SULF1: variants seen among roughly 807,000 people sequenced by gnomAD.
SULF1 encodes the protein extracellular sulfatase Sulf-1.
A neutral mutation model predicts 110.5 loss-of-function variants in SULF1; 46 were observed. The observed-to-expected ratio is 0.42, with a 90% CI of 0.33 to 0.53. SULF1 has a LOEUF of 0.53. SULF1 is among the 20% of genes least tolerant of loss of function. SULF1 has a pLI of 0.12. For missense variants in SULF1, 941 were observed against 1,094.2 expected (o/e 0.86, Z 1.98); for synonymous variants, 371 against 387.1 (o/e 0.96, Z 0.49).
chr8:69,521,191 T>C (rs933381288), intron 3 of SULF1, among the ~76,000 whole-genome samples: 1 of 152,214 alleles, frequency 6.6e-6, no homozygotes, highest in Non-Finnish European at 1.5e-5. Flanking sequence ...ATTTTTTCCT[T>C]TATTTATGCA....
chr8:69,582,160 C>T (rs539346689), intron 6 of SULF1, among the ~76,000 whole-genome samples: 3 of 151,972 alleles, frequency 2.0e-5, no homozygotes, highest in Admixed American at 6.6e-5. Context: ...AACAAAAAAA[C>T]CCCAACAATG....
intron 3 of SULF1, among the ~76,000 whole-genome samples, chr8:69,507,468 A>T (rs997801334): frequency 1.3e-5 from 2 of 152,172 alleles, no homozygotes; most frequent in African/African-American, 2.4e-5. Flanking sequence ...GACCGCATTT[A>T]TCTGCTTAGA....
At chr8:69,579,160 CAAAAAAA>C (rs1179542392) in intron 6 of SULF1, among the ~76,000 whole-genome samples, 1 of 52,758 alleles carries the variant, frequency 1.9e-5, no homozygotes, top group Non-Finnish European at 4.3e-5. Flanking sequence ...GACTCTGTCT[CAAAAAAA>C]AAAAAAAAAA....
chr8:69,572,476 G>A (rs535136531), intron 5 of SULF1, among the ~76,000 whole-genome samples: 3 of 152,260 alleles, frequency 2.0e-5, no homozygotes, highest in South Asian at 4.1e-4. Flanking sequence ...GTAGAAAATC[G>A]ATGTTTCTTT....
chr8:69,522,993 G>A lies in SULF1; in HGVS notation c.-134+21025G>A, dbSNP rs958165012. Among the ~76,000 whole-genome samples, 7 of 152,298 alleles carry A rather than the reference G, an allele frequency of 4.6e-5. No homozygotes were observed. The South Asian group carries it at 8.3e-4, about 18-fold the overall frequency. On this transcript the variant is annotated intron_variant, in intron 3 of 22. Transcript: ENST00000402687. ...CAGAGAGAAGGACAGTAGCTGATAA[G>A]AGAAGCACAGTAAAATATGTGTTTA...
intron 2 of SULF1, among the ~76,000 whole-genome samples, chr8:69,498,730 G>A (rs556799188): frequency 1.8e-4 from 28 of 152,286 alleles, no homozygotes; most frequent in African/African-American, 6.5e-4. Flanking sequence ...AGAGAAAAGT[G>A]GACTTTTCCA....
rs1320302615 is a variant in SULF1, at chr8:69,538,295, T to TTAAA, written c.-133-25241_-133-25240insATAA. Among the ~76,000 whole-genome samples, 2 of 131,764 alleles carry TTAAA rather than the reference T, an allele frequency of 1.5e-5. 1 individual carries two copies. Among genetic ancestry groups the TTAAA allele is most frequent in the African/African-American group, 5.5e-5 (2 of 36,268 alleles). The allele number at this position is 131,764 out of a possible 152,430, so 86.4% of individuals were successfully genotyped here. A position where few individuals can be genotyped will look rare whatever the true frequency, so the allele number is the denominator to read the frequency against. ...GTTGCCTTTTTTTTTTTTTGAGCCA[T>TTAAA]TAAGCTCTTGCTCAGACACATGCTT... is the stretch of plus-strand genomic sequence containing the variant. On this transcript the variant is annotated intron_variant, in intron 3 of 22. Transcript: ENST00000402687.
intron 14 of SULF1, among the ~76,000 whole-genome samples, chr8:69,623,721 A>ACACTGCCAGGCAATGG (rs11273366): frequency 3.6e-4 from 55 of 151,936 alleles, no homozygotes; most frequent in South Asian, 8.3e-4. Flanking sequence ...GTCATCCATC[A>ACACTGCCAGGCAATGG]CACTGCCAGG....
At chr8:69,640,873 T>C in intron 22 of SULF1, 32 bp downstream of exon 22, 1 of 1,601,750 alleles carries the variant, frequency 6.2e-7, no homozygotes. Flanking sequence ...TCTCAACAGC[T>C]TCTTCCCCAA....
chr8:69,596,610 G>A (rs2130354369), intron 8 of SULF1, among the ~76,000 whole-genome samples: 2 of 152,280 alleles, frequency 1.3e-5, no homozygotes, highest in Middle Eastern at 6.8e-3. Flanking sequence ...TCCTTTTAAT[G>A]AGTGGGATTT....
rs961518928 is a variant in SULF1, at chr8:69,563,943, T to G, written c.-33T>G. ...CTCCAGAAATCAGGAGACGGAGACATTTTGTCAGTTTTGCAACATTGGACC... is the reference window on the plus strand; with the variant it reads ...CTCCAGAAATCAGGAGACGGAGACAGTTTGTCAGTTTTGCAACATTGGACC... On this transcript the variant is annotated 5_prime_UTR_variant, in exon 5 of 23. Coordinates refer to ENST00000402687, the MANE Select transcript of SULF1 (RefSeq NM_001128205.2). 6.2e-7 allele frequency: 1 copy of G among 1,604,672 alleles called. No individual in the cohort carries two copies. Among genetic ancestry groups the G allele is most frequent in the Non-Finnish European group, 8.5e-7 (1 of 1,172,322 alleles).
At chr8:69,650,259 C>T (rs749754979) in intron 22 of SULF1, among the ~76,000 whole-genome samples, 45 of 151,984 alleles carry the variant, frequency 3.0e-4, no homozygotes, top group Non-Finnish European at 5.3e-4. Flanking sequence ...CTCTCAACCT[C>T]CCGAATTGCT....
chr8:69,640,562 T>A (rs1180114121), intron 21 of SULF1, among the ~76,000 whole-genome samples: 1 of 152,202 alleles, frequency 6.6e-6, no homozygotes, highest in African/African-American at 2.4e-5. Flanking sequence ...CTCTCCTCCC[T>A]TTAACACCCA....
upstream of SULF1, among the ~76,000 whole-genome samples, chr8:69,491,771 C>T (rs1294783735): frequency 6.6e-6 from 1 of 152,204 alleles, no homozygotes; most frequent in Non-Finnish European, 1.5e-5. Flanking sequence ...CACTGAGCAC[C>T]TGCTTTATGC....
At chr8:69,505,874 C>G (rs1315725393) in intron 3 of SULF1, among the ~76,000 whole-genome samples, 1 of 151,742 alleles carries the variant, frequency 6.6e-6, no homozygotes, top group African/African-American at 2.4e-5. Context: ...TTGTAAAAAC[C>G]ATATAACAGT....
intron 3 of SULF1, among the ~76,000 whole-genome samples, chr8:69,515,016 G>A (rs1799263199): frequency 6.6e-6 from 1 of 152,158 alleles, no homozygotes; most frequent in Non-Finnish European, 1.5e-5. Context: ...GGCTTTTGTA[G>A]GTGCAGAGTG....
intron 1 of SULF1, 50 bp from the exon 2 acceptor site, chr8:69,495,715 A>G (rs773121753): frequency 6.6e-6 from 1 of 152,264 alleles, no homozygotes; most frequent in African/African-American, 2.4e-5. Context: ...TAAAAAGCAC[A>G]TATGCATGAA....
intron 1 of SULF1, among the ~76,000 whole-genome samples, chr8:69,483,989 G>T (rs1005635850): frequency 6.6e-6 from 1 of 151,970 alleles, no homozygotes; most frequent in African/African-American, 2.4e-5. Flanking sequence ...GAATTATCTT[G>T]GTCCCAGTCT....
chr8:69,652,375 T>G (rs985550452), intron 22 of SULF1, among the ~76,000 whole-genome samples: 2 of 152,216 alleles, frequency 1.3e-5, no homozygotes, highest in Non-Finnish European at 2.9e-5. Flanking sequence ...GCTATCAATG[T>G]TATCCTTGCT....
Sources: allele counts gnomAD v4.1 joint callset (sites outside exome capture counted in the v4.1 genomes callset), GRCh38; gene constraint gnomAD v4.1.1; transcripts MANE v1.5; gene names NCBI Gene and HGNC (gene_info 2026-07-23, HGNC 2026-07-21).